DECR1: variants seen among roughly 807,000 people sequenced by gnomAD.
DECR1 encodes 2,4-dienoyl-CoA reductase 1.
A neutral mutation model predicts 38.8 loss-of-function variants in DECR1; 44 were observed. That is an observed-to-expected ratio of 1.13 (90% CI 0.89 to 1.46). The LOEUF (loss-of-function observed/expected upper bound fraction) is 1.46, where lower values mean the gene tolerates loss of function less well. Ranked by LOEUF, DECR1 falls within the 40% of genes most tolerant of loss-of-function variation. The probability of loss-of-function intolerance (pLI) is 0.00; values close to 1 mark genes in which losing one functional copy is unlikely to be tolerated. For synonymous variants in DECR1, 148 were observed against 135.2 expected, an observed-to-expected ratio of 1.09 and a Z score of -0.66; for missense variants, 428 against 405.5, an observed-to-expected ratio of 1.06 and a Z score of -0.48.
intron 1 of DECR1, among the ~76,000 whole-genome samples, chr8:90,012,058 T>C (rs978752373): frequency 9.9e-5 from 15 of 152,202 alleles, no homozygotes; most frequent in African/African-American, 3.6e-4. Flanking sequence ...TATTTGTTTT[T>C]TGTTTGTGTG....
rs1340723059 is a variant in DECR1 at position 90,025,965 on chromosome 8, A to G, written c.565+4909A>G. On this transcript the variant is annotated intron_variant, in intron 5 of 9. Coordinates refer to ENST00000220764, the MANE Select transcript of DECR1 (RefSeq NM_001359.2). ...GAATTTTGTCGAAGGCCTTTTCTGC[A>G]TCTATTGAGATAATAATGTAGTTTT... 2.0e-5 allele frequency among the ~76,000 whole-genome samples: 3 copies of G among 152,240 alleles called. 1 individual carries two copies. Among genetic ancestry groups the G allele is most frequent in the Admixed American group, 1.3e-4 (2 of 15,276 alleles).
At chr8:90,037,361 T>C (rs1813640554) in intron 6 of DECR1, among the ~76,000 whole-genome samples, 1 of 152,120 alleles carries the variant, frequency 6.6e-6, no homozygotes, top group South Asian at 2.1e-4. Context: ...ATTCTTTTAT[T>C]GTAGATACTG....
chr8:90,013,592 G>A (rs1812939799), intron 1 of DECR1, among the ~76,000 whole-genome samples: 4 of 151,974 alleles, frequency 2.6e-5, no homozygotes, highest in Admixed American at 2.0e-4. Flanking sequence ...GGGGGCAGTC[G>A]TAGTTGTACT....
At chr8:90,005,437 G>A (rs751933451) in intron 1 of DECR1, 507 of 456,152 alleles carry the variant, frequency 1.1e-3, no homozygotes, top group Middle Eastern at 3.9e-3. Flanking sequence ...AATAGCATCC[G>A]TTTTTTCCAG....
intron 5 of DECR1, among the ~76,000 whole-genome samples, chr8:90,028,602 T>G (rs1813414512): frequency 6.6e-6 from 1 of 152,100 alleles, no homozygotes. Context: ...GGTGTTGGAA[T>G]ACAGAACAAG....
rs1009593027 is a variant in DECR1 at position 90,001,511 on chromosome 8, G to C, written c.19G>C (p.Val7Leu). 2 of 1,613,926 alleles carry C rather than the reference G, an allele frequency of 1.2e-6. No homozygotes were observed. The highest frequency in any genetic ancestry group is 3.3e-5 in the Admixed American group (2 of 60,012). The change falls in exon 1 of 10, where the codon GTT (valine) becomes CTT (leucine). Residue 7 changes from valine to leucine, a missense_variant. Physicochemically the swap from Val to Leu is conservative, Grantham distance 32. Transcript: ENST00000220764. ...ACTCAACATGAAGCTACCGGCCAGGGTTTTCTTTACTCTGGGGTCCCGGCT... is the reference window on the plus strand; with the variant it reads ...ACTCAACATGAAGCTACCGGCCAGGCTTTTCTTTACTCTGGGGTCCCGGCT... MKLPAR[V>L]FFTLGSRLPC...
chr8:90,043,582 A>G (rs553395017), intron 7 of DECR1, among the ~76,000 whole-genome samples: 16 of 152,344 alleles, frequency 1.1e-4, no homozygotes, highest in African/African-American at 3.8e-4. Context: ...AGTTGTGTAA[A>G]CATATTGGAA....
At chr8:90,003,894 G>A (rs909615606) in intron 1 of DECR1, among the ~76,000 whole-genome samples, 8 of 150,744 alleles carry the variant, frequency 5.3e-5, no homozygotes, top group South Asian at 2.1e-4. Context: ...AGCTGAGGTC[G>A]CGCCACTGTA....
At chr8:90,026,918 T>A (rs1813360623) in intron 5 of DECR1, among the ~76,000 whole-genome samples, 1 of 152,236 alleles carries the variant, frequency 6.6e-6, no homozygotes, top group Non-Finnish European at 1.5e-5. Context: ...TCTGGTATGT[T>A]GTGTCTTTGT....
intron 1 of DECR1, among the ~76,000 whole-genome samples, chr8:90,011,586 T>C (rs750069419): frequency 6.6e-6 from 1 of 152,210 alleles, no homozygotes; most frequent in Non-Finnish European, 1.5e-5. Flanking sequence ...CATGAACATA[T>C]AATGTCTTTT....
chr8:90,027,638 A>G (rs1046664335), intron 5 of DECR1, among the ~76,000 whole-genome samples: 15 of 152,052 alleles, frequency 9.9e-5, no homozygotes, highest in African/African-American at 3.4e-4. Flanking sequence ...GGTCTCCTGA[A>G]TACAGCACAC....
intron 8 of DECR1, among the ~76,000 whole-genome samples, chr8:90,049,455 G>A (rs1051892614): frequency 6.6e-6 from 1 of 152,058 alleles, no homozygotes; most frequent in African/African-American, 2.4e-5. Flanking sequence ...AAATACCTAG[G>A]AATCCAACTT....
At chr8:90,017,030 T>C in intron 1 of DECR1, 94 bp from the exon 2 acceptor site, 1 of 794,612 alleles carries the variant, frequency 1.3e-6, no homozygotes, top group Non-Finnish European at 2.0e-6. Flanking sequence ...ATACAAGAAT[T>C]TGATTACTAT....
At chr8:90,051,526 T>C in intron 8 of DECR1, 151 bp from the exon 9 acceptor site, 1 of 607,200 alleles carries the variant, frequency 1.6e-6, no homozygotes, top group East Asian at 2.8e-5. Context: ...TAAATCAATT[T>C]AGGTTTAATC....
chr8:90,026,891 A>G (rs940410121), intron 5 of DECR1, among the ~76,000 whole-genome samples: 2 of 152,110 alleles, frequency 1.3e-5, no homozygotes, highest in East Asian at 3.9e-4. Context: ...ACACTGCTTT[A>G]AATGTGTCCC....
chr8:90,037,112 G>A (rs1022772824), intron 6 of DECR1, 172 bp downstream of exon 6: 21 of 550,368 alleles, frequency 3.8e-5, no homozygotes, highest in Non-Finnish European at 5.2e-5. Flanking sequence ...CTATAGCAGC[G>A]CTGTCCTGTG....
Position 90,029,816 on chromosome 8 carries a change from A to G in DECR1, c.566-7025A>G, listed in dbSNP as rs1813450416. 2.0e-5 allele frequency among the ~76,000 whole-genome samples: 3 copies of G among 152,110 alleles called. No individual in the cohort carries two copies. In the South Asian group the frequency reaches 6.2e-4, roughly 31 times the overall value. ...ATAATGGAGCACCCTCAGCCTGTCC[A>G]GTCTCTATACTAGCCCGTTTGACTG... is the stretch of plus-strand genomic sequence containing the variant. On this transcript the variant is annotated intron_variant, in intron 5 of 9. Coordinates refer to ENST00000220764, the MANE Select transcript of DECR1 (RefSeq NM_001359.2).
intron 6 of DECR1, among the ~76,000 whole-genome samples, chr8:90,039,718 GTTC>G (rs1345911475): frequency 1.3e-5 from 2 of 152,062 alleles, no homozygotes; most frequent in African/African-American, 4.8e-5. Flanking sequence ...TCCCACTTAG[GTTC>G]TTCTTCTTTT....
intron 1 of DECR1, among the ~76,000 whole-genome samples, chr8:90,004,403 G>A (rs1812691258): frequency 6.6e-6 from 1 of 151,206 alleles, no homozygotes; most frequent in South Asian, 2.1e-4. Flanking sequence ...ACTATTTTTA[G>A]AAAAATGATT....
Sources: allele counts gnomAD v4.1 joint callset (sites outside exome capture counted in the v4.1 genomes callset), GRCh38; gene constraint gnomAD v4.1.1; transcripts MANE v1.5; gene names NCBI Gene and HGNC (gene_info 2026-07-23, HGNC 2026-07-21).